The following CMSS1 variants were observed in gnomAD, a reference collection of about 807,000 sequenced individuals.
CMSS1 encodes cms1 ribosomal small subunit homolog, also known as protein CMSS1.
A neutral mutation model predicts 43.5 loss-of-function variants in CMSS1; 33 were observed. The observed-to-expected ratio is 0.76, with a 90% CI of 0.57 to 1.01. The LOEUF is 1.01. CMSS1 is among the 50% of genes least tolerant of loss of function. The pLI is 0.00. For synonymous variants in CMSS1, 115 were observed against 117.2 expected (o/e 0.98, Z 0.12); for missense variants, 313 against 326.4 (o/e 0.96, Z 0.32).
intron 1 of CMSS1, among the ~76,000 whole-genome samples, chr3:99,847,639 A>G (rs1943426666): frequency 6.6e-6 from 1 of 152,216 alleles, no homozygotes; most frequent in Non-Finnish European, 1.5e-5. Context: ...AATGTAGTCT[A>G]AGCACTGTGC....
At chr3:99,859,653 A>C in intron 1 of CMSS1, among the ~76,000 whole-genome samples, 1 of 152,224 alleles carries the variant, frequency 6.6e-6, no homozygotes, top group East Asian at 1.9e-4. Context: ...TGTCTAATAC[A>C]TAATTTTAAC....
chr3:100,117,730 A>T (rs896527276), intron 1 of CMSS1, among the ~76,000 whole-genome samples: 14 of 150,194 alleles, frequency 9.3e-5, no homozygotes, highest in South Asian at 2.1e-4. Context: ...ACTTTGGATA[A>T]ATTGGGTAAA....
chr3:99,971,354 A>G (rs931688029), intron 1 of CMSS1, among the ~76,000 whole-genome samples: 2 of 151,820 alleles, frequency 1.3e-5, no homozygotes, highest in Admixed American at 1.3e-4. Flanking sequence ...AAAAAAGAGA[A>G]TATGGGATGC....
chr3:100,061,956 G>C (rs2107346540), intron 1 of CMSS1, among the ~76,000 whole-genome samples: 1 of 152,008 alleles, frequency 6.6e-6, no homozygotes, highest in Middle Eastern at 3.4e-3. Flanking sequence ...CATTCACATT[G>C]TTATGCAACC....
chr3:99,922,436 C>A (rs1005142759), intron 1 of CMSS1, among the ~76,000 whole-genome samples: 4 of 152,088 alleles, frequency 2.6e-5, no homozygotes, highest in Non-Finnish European at 4.4e-5. Flanking sequence ...CTTTCCCCTG[C>A]CCCCTCTCTG....
intron 1 of CMSS1, among the ~76,000 whole-genome samples, chr3:99,912,563 A>C (rs1373752223): frequency 1.3e-5 from 2 of 152,080 alleles, no homozygotes; most frequent in East Asian, 3.9e-4. Flanking sequence ...TTTTTTGTAG[A>C]GATGAAGTTT....
chr3:99,976,053 T>G (rs950148501), intron 1 of CMSS1, among the ~76,000 whole-genome samples: 13 of 152,064 alleles, frequency 8.5e-5, no homozygotes, highest in African/African-American at 3.1e-4. Flanking sequence ...CCCAGCTAAT[T>G]TTTGTATTTT....
chr3:100,012,475 A>G (rs886432722), intron 1 of CMSS1, among the ~76,000 whole-genome samples: 1 of 152,180 alleles, frequency 6.6e-6, no homozygotes, highest in Admixed American at 6.5e-5. Context: ...CTAACTTTGG[A>G]GGAAATCAAG....
intron 1 of CMSS1, among the ~76,000 whole-genome samples, chr3:100,065,262 G>A (rs577555006): frequency 1.3e-5 from 2 of 152,242 alleles, no homozygotes; most frequent in African/African-American, 4.8e-5. Context: ...ATGTTTTAAC[G>A]AGAATATCCA....
intron 1 of CMSS1, among the ~76,000 whole-genome samples, chr3:100,005,846 C>G (rs1709970856): frequency 6.6e-6 from 1 of 152,170 alleles, no homozygotes; most frequent in Non-Finnish European, 1.5e-5. Context: ...TTGGAAGAAG[C>G]TTTCTTTGGC....
chr3:100,085,580 C>T (rs1359503179), intron 1 of CMSS1, among the ~76,000 whole-genome samples: 5 of 152,182 alleles, frequency 3.3e-5, no homozygotes, highest in Non-Finnish European at 5.9e-5. Flanking sequence ...TTTCATCCTT[C>T]ATCTCAGCAT....
chr3:100,093,071 A>G (rs757370067), intron 1 of CMSS1, among the ~76,000 whole-genome samples: 4 of 152,106 alleles, frequency 2.6e-5, no homozygotes, highest in Non-Finnish European at 5.9e-5. Flanking sequence ...GAAATAGAAT[A>G]CAGAATGGAA....
intron 1 of CMSS1, among the ~76,000 whole-genome samples, chr3:99,869,394 A>G (rs1209499490): frequency 6.6e-6 from 1 of 152,234 alleles, no homozygotes; most frequent in African/African-American, 2.4e-5. Flanking sequence ...TGAAAGCCTC[A>G]AGAATAATAT....
intron 1 of CMSS1, among the ~76,000 whole-genome samples, chr3:99,982,164 A>G (rs1192772101): frequency 6.6e-6 from 1 of 152,104 alleles, no homozygotes; most frequent in African/African-American, 2.4e-5. Context: ...ATATTTCGGT[A>G]TATGTATTTT....
chr3:100,002,450 C>A (rs184630059), intron 1 of CMSS1, among the ~76,000 whole-genome samples: 1 of 152,236 alleles, frequency 6.6e-6, no homozygotes, highest in East Asian at 1.9e-4. Context: ...CTAGAACCAC[C>A]AGTTTCTGCC....
At chr3:100,133,461 G>GT (rs148521170) in intron 1 of CMSS1, among the ~76,000 whole-genome samples, 5,076 of 150,668 alleles carry the variant, frequency 0.034, 268 homozygotes, top group African/African-American at 0.12. Flanking sequence ...AATTTTTTTG[G>GT]TTTTTTTTTA....
intron 3 of CMSS1, among the ~76,000 whole-genome samples, chr3:100,162,084 T>TA (rs2067028312): frequency 6.6e-6 from 1 of 152,240 alleles, no homozygotes; most frequent in Admixed American, 6.5e-5. Flanking sequence ...GACCAAGAGT[T>TA]ACAGGGAGCT....
intron 1 of CMSS1, chr3:99,849,257 T>C (rs1943533409): frequency 8.1e-6 from 13 of 1,614,226 alleles, no homozygotes; most frequent in Non-Finnish European, 1.1e-5. Context: ...GGTGGTTCAT[T>C]GTCTACTGCT....
At chr3:100,068,038 C>T (rs1164406668) in intron 1 of CMSS1, among the ~76,000 whole-genome samples, 1 of 152,088 alleles carries the variant, frequency 6.6e-6, no homozygotes. Flanking sequence ...GTCAAGCCAA[C>T]CTGGATCCAC....
Sources: allele counts gnomAD v4.1 joint callset (sites outside exome capture counted in the v4.1 genomes callset), GRCh38; gene constraint gnomAD v4.1.1; transcripts MANE v1.5; gene names NCBI Gene and HGNC (gene_info 2026-07-23, HGNC 2026-07-21).